Variants in USP6NL observed in about 807,000 individuals in gnomAD.
USP6NL encodes the protein USP6 N-terminal-like protein.
In USP6NL, 26 loss-of-function variants were observed where a neutral mutation model predicts 61.9. That is an observed-to-expected ratio of 0.42 (90% CI 0.31 to 0.58). The LOEUF (loss-of-function observed/expected upper bound fraction) is 0.58, where lower values mean the gene tolerates loss of function less well. Ranked by LOEUF, USP6NL falls within the 20% of genes least tolerant of loss-of-function variation. USP6NL has a pLI of 0.16. For missense variants in USP6NL, 1,114 were observed against 1,034.3 expected (o/e 1.08, Z -1.06); for synonymous variants, 432 against 390.1 (o/e 1.11, Z -1.27).
rs1488142241 is a variant in USP6NL, at chr10:11,597,651, G to C, written c.-17C>G. 1 of 1,551,280 alleles carries C rather than the reference G, an allele frequency of 6.4e-7. No homozygotes were observed. The highest frequency in any genetic ancestry group is 2.0e-5 in the Admixed American group (1 of 51,010). ...CTTACTCATGACTGGAAATGGGTCTGAATGTTGTCCCAATCAGATATTAAA... is the reference window on the plus strand; with the variant it reads ...CTTACTCATGACTGGAAATGGGTCTCAATGTTGTCCCAATCAGATATTAAA... On this transcript the variant is annotated 5_prime_UTR_variant, in exon 2 of 15. Coordinates refer to ENST00000609104, the MANE Select transcript of USP6NL (RefSeq NM_014688.5). The surrounding 1 kb of genome is among the most constrained non-coding windows in gnomAD (Gnocchi z 4.6).
At chr10:11,572,059 T>C (rs1055702540) in intron 2 of USP6NL, among the ~76,000 whole-genome samples, 2 of 151,802 alleles carry the variant, frequency 1.3e-5, no homozygotes, top group African/African-American at 2.4e-5. Flanking sequence ...GATATATCTA[T>C]ATATGAGCAT....
rs1470973509 is a variant in USP6NL, at chr10:11,596,622, TC to T, written c.4+1008del. Among the ~76,000 whole-genome samples the T allele has an allele frequency of 6.0e-5, 8 of 132,674 alleles. No individual in the cohort carries two copies. Among genetic ancestry groups the T allele is most frequent in the Admixed American group, 3.1e-4 (4 of 12,964 alleles). 87.0% of individuals were successfully genotyped at this position (132,674 alleles called of 152,430 possible). On this transcript the variant is annotated intron_variant, in intron 2 of 14. Transcript: ENST00000609104. The surrounding 1 kb of genome is among the most constrained non-coding windows in gnomAD (Gnocchi z 4.1). ...CTGGGCGACAGAGGGAGACTCCGTCTCAAAAAAAAAAAAAAAAACTCTTTCT... is the reference window on the plus strand; with the variant it reads ...CTGGGCGACAGAGGGAGACTCCGTCTAAAAAAAAAAAAAAAAACTCTTTCT...
At chr10:11,551,967 T>C (rs771333370) in intron 2 of USP6NL, among the ~76,000 whole-genome samples, 1 of 152,198 alleles carries the variant, frequency 6.6e-6, no homozygotes, top group Non-Finnish European at 1.5e-5. Context: ...TTATAGTACA[T>C]ACCTAAATAG....
rs2133684482 is a variant in USP6NL, at chr10:11,602,855, A to G, written c.-83-5138T>C. Among the ~76,000 whole-genome samples the G allele has an allele frequency of 6.6e-6, 1 of 152,328 alleles. No homozygotes were observed. The highest frequency in any genetic ancestry group is 2.1e-4 in the South Asian group (1 of 4,822). ...TCAACCTGTCATATCTTCTCATTAG[A>G]AATTATTTCAGTTAATATTAAAGTC... is the stretch of plus-strand genomic sequence containing the variant. On this transcript the variant is annotated intron_variant, in intron 1 of 14. Transcript: ENST00000609104. This position sits in a 1 kb window ranked among gnomAD's most constrained non-coding sequence, Gnocchi z 4.8.
intron 2 of USP6NL, among the ~76,000 whole-genome samples, chr10:11,566,055 G>C (rs1451786100): frequency 1.3e-5 from 2 of 152,090 alleles, no homozygotes; most frequent in East Asian, 3.8e-4. Flanking sequence ...TAACAACAAA[G>C]GCAGTGATTA....
intron 2 of USP6NL, among the ~76,000 whole-genome samples, chr10:11,567,514 G>T (rs1837207476): frequency 6.6e-6 from 1 of 152,124 alleles, no homozygotes; most frequent in African/African-American, 2.4e-5. Context: ...ATATGACATA[G>T]CTGAATTTAA....
intron 2 of USP6NL, among the ~76,000 whole-genome samples, chr10:11,542,112 G>C (rs1404510375): frequency 6.6e-6 from 1 of 152,114 alleles, no homozygotes; most frequent in Non-Finnish European, 1.5e-5. Context: ...ACAATCAGAT[G>C]AAGAATATAA....
In USP6NL at chr10:11,611,605, C is replaced by G. The variant is rs1002978353; in HGVS notation, c.-246G>C. ...AAGAGGATCCCGGCGAAGCCGAGCC[C>G]GGGAACCAGGAAGTTCCCCGGCGCG... On this transcript the variant is annotated 5_prime_UTR_variant, in exon 1 of 15. Coordinates refer to ENST00000609104, the MANE Select transcript of USP6NL (RefSeq NM_014688.5). This position sits in a 1 kb window ranked among gnomAD's most constrained non-coding sequence, Gnocchi z 5.3. 1.3e-5 allele frequency: 2 copies of G among 153,378 alleles called. No homozygotes were observed. Among genetic ancestry groups the G allele is most frequent in the African/African-American group, 2.4e-5 (1 of 41,402 alleles). 9.5% of individuals were successfully genotyped at this position (153,378 alleles called of 1,614,324 possible).
At position 11,525,780 on chromosome 10, in the gene USP6NL, A is replaced by C. The variant is rs1835389061; in HGVS notation, c.73-312T>G. The stretch of plus-strand genomic sequence containing the variant: ...AGGAAAGAAGAGCGATGGGGATGAG[A>C]AAGCCACTCCAGAAGAAACTGCCGA... On this transcript the variant is annotated intron_variant, in intron 3 of 14. Transcript: ENST00000609104. This position sits in a 1 kb window ranked among gnomAD's most constrained non-coding sequence, Gnocchi z 5.0. Among the ~76,000 whole-genome samples the C allele has an allele frequency of 6.6e-6, 1 of 152,178 alleles. No individual in the cohort carries two copies. Among genetic ancestry groups the C allele is most frequent in the African/African-American group, 2.4e-5 (1 of 41,456 alleles).
rs879066038 is a variant in USP6NL, at chr10:11,460,654, T to TATATATATAA, written c.*1786_*1787insTTATATATAT. 11 of 133,578 alleles carry TATATATATAA rather than the reference T, an allele frequency of 8.2e-5. No individual in the cohort carries two copies. Among genetic ancestry groups the TATATATATAA allele is most frequent in the Non-Finnish European group, 1.2e-4 (8 of 64,354 alleles). The allele number at this position is 133,578 out of a possible 1,614,324, so 8.3% of individuals were successfully genotyped here. A position where few individuals can be genotyped will look rare whatever the true frequency, so the allele number is the denominator to read the frequency against. On this transcript the variant is annotated 3_prime_UTR_variant, in exon 15 of 15. Transcript: ENST00000609104. Reference sequence around the variant, plus strand: ...ATATATATATATATATATATATATATAAAAATCTACAGTATTTACCACTGT... The same window carrying TATATATATAA: ...ATATATATATATATATATATATATATATATATATAAAAAAATCTACAGTATTTACCACTGT...
chr10:11,481,774 T>C lies in USP6NL; in HGVS notation c.1074A>G (p.Glu358=), dbSNP rs954290243. Residue 358 remains glutamate, a synonymous_variant, in exon 14 of 15, where the codon GAA becomes GAG. Transcript: ENST00000609104. The surrounding 1 kb of genome is among the most constrained non-coding windows in gnomAD (Gnocchi z 4.4). ...ELKRAKLDLP[E]PGKEDEYPKK... is the part of the protein sequence containing the mutation. The stretch of plus-strand genomic sequence containing the variant: ...AAGTATTGGGGTAATTCTTACCAGG[T>C]TCTGGAAGGTCTAACTTTGCCCGCT... 2 of 1,608,230 alleles carry C rather than the reference T, an allele frequency of 1.2e-6. No homozygotes were observed. Among genetic ancestry groups the C allele is most frequent in the Non-Finnish European group, 1.7e-6 (2 of 1,178,150 alleles).
At chr10:11,512,580 G>A (rs776996540) in intron 5 of USP6NL, among the ~76,000 whole-genome samples, 2 of 152,192 alleles carry the variant, frequency 1.3e-5, no homozygotes, top group African/African-American at 2.4e-5. Context: ...CAGCCTTTCA[G>A]AATGTGGCCC....
At chr10:11,590,146 CATTT>C (rs1424044227) in intron 2 of USP6NL, among the ~76,000 whole-genome samples, 3 of 152,168 alleles carry the variant, frequency 2.0e-5, no homozygotes, top group Non-Finnish European at 4.4e-5. Flanking sequence ...TAAGGGAAGA[CATTT>C]TCACTCTATG....
intron 2 of USP6NL, among the ~76,000 whole-genome samples, chr10:11,567,857 AC>A (rs1401949330): frequency 6.6e-6 from 1 of 152,148 alleles, no homozygotes; most frequent in Non-Finnish European, 1.5e-5. Context: ...TATTACCTCT[AC>A]TTTTCAGATA....
At position 11,502,833 on chromosome 10, in the gene USP6NL, C is replaced by T. The variant is rs144215652; in HGVS notation, c.277-1625G>A. Among the ~76,000 whole-genome samples, 879 of 152,136 alleles carry T rather than the reference C, an allele frequency of 5.8e-3. 6 individuals carry two copies. Among genetic ancestry groups the T allele is most frequent in the South Asian group, 0.024 (115 of 4,802 alleles). ...GTTCTTTTGGTATAAATATAGTATG[C>T]CTCAAATTTGAAATTTCAGTAGATA... On this transcript the variant is annotated intron_variant, in intron 6 of 14. Transcript: ENST00000609104.
At chr10:11,477,527 T>C (rs1255228004) in intron 14 of USP6NL, among the ~76,000 whole-genome samples, 1 of 152,176 alleles carries the variant, frequency 6.6e-6, no homozygotes, top group Admixed American at 6.5e-5. Context: ...TTCACAAATA[T>C]ATTTTCGAGC....
intron 1 of USP6NL, among the ~76,000 whole-genome samples, chr10:11,604,053 T>G (rs1262390662): frequency 6.6e-6 from 1 of 152,178 alleles, no homozygotes; most frequent in African/African-American, 2.4e-5. Context: ...TCACTTCACT[T>G]CCCTGACCCT....
At position 11,513,440 on chromosome 10, in the gene USP6NL, T is replaced by C. The variant is rs1042477078; in HGVS notation, c.196-3765A>G. On this transcript the variant is annotated intron_variant, in intron 5 of 14. Transcript: ENST00000609104. This position sits in a 1 kb window ranked among gnomAD's most constrained non-coding sequence, Gnocchi z 4.7. ...ATGAAACTGATATTAAATAATTCTG[T>C]TGGCTTCATACACAAACATCTTAGT... Among the ~76,000 whole-genome samples, 8 of 152,246 alleles carry C rather than the reference T, an allele frequency of 5.3e-5. No homozygotes were observed. Among genetic ancestry groups the C allele is most frequent in the African/African-American group, 1.7e-4 (7 of 41,456 alleles).
rs117653116 is a variant in USP6NL, at chr10:11,548,179, C to T, written c.5-20612G>A. Among the ~76,000 whole-genome samples the T allele has an allele frequency of 4.4e-3, 671 of 152,256 alleles. 5 individuals carry two copies. The highest frequency in any genetic ancestry group is 7.0e-3 in the Non-Finnish European group (473 of 68,012). ...AAATTAGGCTTTTCCACATGAGAGG[C>T]CTGTAAATACAAAACTCTGACATAT... On this transcript the variant is annotated intron_variant, in intron 2 of 14. Coordinates refer to ENST00000609104, the MANE Select transcript of USP6NL (RefSeq NM_014688.5). This position sits in a 1 kb window ranked among gnomAD's most constrained non-coding sequence, Gnocchi z 4.3.
Sources: gnomAD v4.1 joint callset for allele counts (sites outside exome capture counted in the v4.1 genomes callset) on GRCh38, gnomAD v4.1.1 for gene constraint, Gnocchi (gnomAD v3.1) non-coding constraint, MANE v1.5 for transcripts, NCBI Gene and HGNC (gene_info 2026-07-23, HGNC 2026-07-21) for gene names.